Variants in MAGEC3 observed in about 807,000 individuals in gnomAD.
The protein encoded by MAGEC3 is melanoma-associated antigen C3.
In MAGEC3, 34 loss-of-function variants were observed where a neutral mutation model predicts 35.3. The ratio of observed to expected loss-of-function variants is 0.96; its 90% CI spans 0.73 to 1.28. MAGEC3 has a LOEUF of 1.28. Ranked by LOEUF, MAGEC3 falls within the 50% of genes most tolerant of loss-of-function variation. The pLI, the probability that MAGEC3 is intolerant of heterozygous loss-of-function variation, is 0.00. For synonymous variants in MAGEC3, 202 were observed against 185.6 expected (o/e 1.09, Z -0.72); for missense variants, 561 against 483.6 (o/e 1.16, Z -1.50).
At chrX:141,884,078 G>A (rs1373500765) in intron 4 of MAGEC3, among the ~76,000 whole-genome samples, 1 of 112,982 alleles carries the variant, frequency 8.9e-6, no homozygotes, top group African/African-American at 3.2e-5. Context: ...AGATTGTATT[G>A]TGTGATGGTT....
intron 1 of MAGEC3, among the ~76,000 whole-genome samples, chrX:141,855,986 A>G (rs753419815): frequency 9.0e-6 from 1 of 111,490 alleles, no homozygotes; most frequent in Admixed American, 9.6e-5. Context: ...GAGCAATAAC[A>G]GTATTGATCA....
chrX:141,882,244 C>G (rs1027835564), intron 4 of MAGEC3, among the ~76,000 whole-genome samples: 1 of 111,694 alleles, frequency 9.0e-6, no homozygotes, highest in Non-Finnish European at 1.9e-5. Context: ...ATACAGTGTT[C>G]TTTGCATTTC....
At chrX:141,863,349 G>A (rs2017827270) in intron 1 of MAGEC3, among the ~76,000 whole-genome samples, 2 of 107,863 alleles carry the variant, frequency 1.9e-5, no homozygotes, top group Admixed American at 2.0e-4. Context: ...TGGGACACAG[G>A]GGCATTTTAG....
At chrX:141,853,239 A>T (rs1356210584) in intron 1 of MAGEC3, among the ~76,000 whole-genome samples, 1 of 111,499 alleles carries the variant, frequency 9.0e-6, no homozygotes, top group African/African-American at 3.3e-5. Flanking sequence ...TGGCAAAGCT[A>T]GGTTCCTGGT....
Position 141,861,691 on chromosome X carries a change from C to T in MAGEC3, c.124-3780C>T, listed in dbSNP as rs189107959. Among the ~76,000 whole-genome samples, 239 of 111,720 alleles carry T rather than the reference C, an allele frequency of 2.1e-3. 1 individual carries two copies. The highest frequency in any genetic ancestry group is 3.9e-3 in the Non-Finnish European group (205 of 53,095). ...TACACTGGGGAAAGGGCAGCCTCTT[C>T]AGTAATGGTGCTGGAATATGTGGAT... On this transcript the variant is annotated intron_variant, in intron 1 of 7. Transcript: ENST00000298296.
intron 3 of MAGEC3, among the ~76,000 whole-genome samples, chrX:141,879,783 C>G (rs1001027787): frequency 1.8e-5 from 2 of 110,990 alleles, no homozygotes; most frequent in Non-Finnish European, 3.8e-5. Context: ...ACTGAGGGAC[C>G]TCCCACCACA....
At chrX:141,891,582 A>G (rs904623448) in intron 4 of MAGEC3, among the ~76,000 whole-genome samples, 3 of 108,446 alleles carry the variant, frequency 2.8e-5, no homozygotes, top group Non-Finnish European at 3.8e-5. Flanking sequence ...TCAGCCCCCT[A>G]CTCAGAACTT....
intron 6 of MAGEC3, chrX:141,896,606 C>A (rs2179196): frequency 1.7e-6 from 2 of 1,194,049 alleles, no homozygotes; most frequent in Non-Finnish European, 2.3e-6. Context: ...CCCATCATCC[C>A]CATCCCTGCT....
At chrX:141,867,432 G>A (rs2017856178) in intron 2 of MAGEC3, among the ~76,000 whole-genome samples, 1 of 111,408 alleles carries the variant, frequency 9.0e-6, no homozygotes, top group Non-Finnish European at 1.9e-5. Flanking sequence ...CTCCCTCCCA[G>A]ATAAGCACAA....
chrX:141,880,111 G>A (rs902299668), intron 3 of MAGEC3, among the ~76,000 whole-genome samples: 2 of 111,459 alleles, frequency 1.8e-5, no homozygotes, highest in African/African-American at 3.3e-5. Context: ...TGAGGGTCCC[G>A]TGGCAAATCA....
At position 141,879,571 on chromosome X, in the gene MAGEC3, G is replaced by C. The variant is rs375647739; in HGVS notation, c.515+140G>C. ...AGGGGGCCCAGGAGATGGGCAGGAAGGGGTGGAGAAGGGCCGGGAGGTGGT... is the reference window on the plus strand; with the variant it reads ...AGGGGGCCCAGGAGATGGGCAGGAACGGGTGGAGAAGGGCCGGGAGGTGGT... On this transcript the variant is annotated intron_variant, in intron 3 of 7. Coordinates refer to ENST00000298296, the MANE Select transcript of MAGEC3 (RefSeq NM_138702.1). 5 of 774,857 alleles carry C rather than the reference G, an allele frequency of 6.5e-6. No individual in the cohort carries two copies. The East Asian group carries it at 1.8e-4, about 27-fold the overall frequency. The allele number at this position is 774,857 out of a possible 1,213,427, so 63.9% of individuals were successfully genotyped here. A position where few individuals can be genotyped will look rare whatever the true frequency, so the allele number is the denominator to read the frequency against.
chrX:141,839,798 C>T, intron 1 of MAGEC3: 1 of 609,869 alleles, frequency 1.6e-6, no homozygotes, highest in Non-Finnish European at 2.0e-6. Context: ...TTAGGGGATA[C>T]TTGCCAATAT....
At chrX:141,880,801 G>T in intron 3 of MAGEC3, 3 of 1,055,890 alleles carry the variant, frequency 2.8e-6, no homozygotes, top group Non-Finnish European at 3.9e-6. Flanking sequence ...TGACCCGTGA[G>T]GCCCTAGAGC....
At chrX:141,875,607 T>C (rs13440525) in intron 2 of MAGEC3, among the ~76,000 whole-genome samples, 2 of 111,159 alleles carry the variant, frequency 1.8e-5, no homozygotes, top group Non-Finnish European at 3.8e-5. Context: ...ACACTCCCCA[T>C]TGATTGAATC....
chrX:141,860,391 G>A (rs1473859018), intron 1 of MAGEC3, among the ~76,000 whole-genome samples: 1 of 111,964 alleles, frequency 8.9e-6, no homozygotes, highest in Non-Finnish European at 1.9e-5. Context: ...AAGTTTAATG[G>A]TTTCACAAAA....
intron 4 of MAGEC3, among the ~76,000 whole-genome samples, chrX:141,892,136 A>C: frequency 1.8e-5 from 2 of 111,313 alleles, no homozygotes; most frequent in Middle Eastern, 4.6e-3. Context: ...CCAGACTCCA[A>C]AACTGTGAGA....
At chrX:141,882,155 G>T (rs1277392856) in intron 4 of MAGEC3, among the ~76,000 whole-genome samples, 1 of 111,606 alleles carries the variant, frequency 9.0e-6, no homozygotes, top group Non-Finnish European at 1.9e-5. Context: ...GAAGTATAGG[G>T]CCGTTTCTTA....
At chrX:141,869,471 G>T (rs1353000632) in intron 2 of MAGEC3, among the ~76,000 whole-genome samples, 1 of 112,292 alleles carries the variant, frequency 8.9e-6, no homozygotes, top group Non-Finnish European at 1.9e-5. Context: ...ACTTTGAAAA[G>T]TAAAATAAGG....
chrX:141,879,362 G>C lies in MAGEC3; in HGVS notation c.446G>C (p.Gly149Ala). 1 of 1,196,411 alleles carries C rather than the reference G, an allele frequency of 8.4e-7. No individual in the cohort carries two copies. Among genetic ancestry groups the C allele is most frequent in the Non-Finnish European group, 1.1e-6 (1 of 887,868 alleles). Residue 149 changes from glycine to alanine, a missense_variant, in exon 3 of 8, where the codon GGC becomes GCC. Physicochemically the swap from Gly to Ala is moderately conservative, Grantham distance 60. Coordinates refer to ENST00000298296, the MANE Select transcript of MAGEC3 (RefSeq NM_138702.1). The part of the protein sequence containing the change: ...KDSDLPTWRR[G>A]TGYTLSLPAV... ...AGTGACCTTCCAACATGGAGGAGAG[G>C]CACAGGCTACACCCTTTCCCTTCCT...
Sources: gnomAD v4.1 joint callset for allele counts (sites outside exome capture counted in the v4.1 genomes callset) on GRCh38, gnomAD v4.1.1 for gene constraint, MANE v1.5 for transcripts, NCBI Gene and HGNC (gene_info 2026-07-23, HGNC 2026-07-21) for gene names.